SASH1: variants seen among roughly 807,000 people sequenced by gnomAD.
SASH1 encodes the protein SAM and SH3 domain containing 1, also known as SAM and SH3 domain-containing protein 1.
In SASH1, 44 loss-of-function variants were observed where a neutral mutation model predicts 125.2. The ratio of observed to expected loss-of-function variants is 0.35; its 90% CI spans 0.28 to 0.45. The LOEUF is 0.45. Among genes scored for constraint, SASH1 ranks in the 20% least tolerant of loss-of-function variants. SASH1 has a pLI of 1.00. For missense variants in SASH1, 1,426 were observed against 1,614.5 expected (o/e 0.88, Z 2.00); for synonymous variants, 639 against 649.1 (o/e 0.98, Z 0.24).
chr6:148,530,945 A>T (rs553426361), intron 12 of SASH1, among the ~76,000 whole-genome samples: 69 of 152,364 alleles, frequency 4.5e-4, no homozygotes, highest in Non-Finnish European at 7.6e-4. Flanking sequence ...TTAGAGTAAC[A>T]TATGGAAATT....
the SASH1 span, among the ~76,000 whole-genome samples, chr6:148,251,358 C>T: frequency 6.6e-6 from 1 of 152,228 alleles, no homozygotes. Context: ...TATCAATACC[C>T]CTGAAAAATA....
At chr6:148,347,240 G>T (rs1161526911) in intron 1 of SASH1, among the ~76,000 whole-genome samples, 1 of 152,102 alleles carries the variant, frequency 6.6e-6, no homozygotes, top group Non-Finnish European at 1.5e-5. Context: ...TGGGAAGGGG[G>T]TTAGTAAGTG....
At position 148,544,784 on chromosome 6, in the gene SASH1, G is replaced by C; in HGVS notation, c.3314G>C (p.Gly1105Ala). ...TLTENKLHAE[G>A]IDLTEEPYSD... is the part of the protein sequence containing the mutation. ...ACTGAAAACAAGCTGCACGCTGAAG[G>C]CATCGATCTCACGGAGGAGCCGTAT... Residue 1105 changes from glycine (G) to alanine (A), a missense_variant, in exon 18 of 20, where the codon GGC (glycine) becomes GCC (alanine). Around this residue, in one of 3 missense-constraint regions of SASH1, gnomAD observed 634 missense variants for 694.4 expected, o/e 0.91. Coordinates refer to ENST00000367467, the MANE Select transcript of SASH1 (RefSeq NM_015278.5). The surrounding 1 kb of genome is among the most constrained non-coding windows in gnomAD (Gnocchi z 6.4). 6.2e-7 allele frequency: 1 copy of C among 1,600,836 alleles called. No homozygotes were observed. The highest frequency in any genetic ancestry group is 8.5e-7 in the Non-Finnish European group (1 of 1,173,790).
chr6:148,485,407 T>C (rs955987140), intron 7 of SASH1, among the ~76,000 whole-genome samples: 2 of 152,202 alleles, frequency 1.3e-5, no homozygotes, highest in African/African-American at 4.8e-5. Context: ...AGTTTAAACA[T>C]GTCAAGTTAA....
At chr6:148,421,153 GAAAGAAAGAAAGAAAGAAAGAAAGAAAGA>G (rs1785059898) in intron 2 of SASH1, among the ~76,000 whole-genome samples, 60 of 81,070 alleles carry the variant, frequency 7.4e-4, no homozygotes, top group African/African-American at 2.2e-3. Context: ...AAGGAAGAAA[GAAAGAAAGAAAGAAAGAAAGAAAGAAAGA>G]AAGAAAGAAA....
At chr6:148,235,349 A>G in the SASH1 span, among the ~76,000 whole-genome samples, 3 of 152,240 alleles carry the variant, frequency 2.0e-5, no homozygotes, top group African/African-American at 4.8e-5. Flanking sequence ...ACAAAATCAG[A>G]AAAATAAAAT....
chr6:148,398,376 T>C (rs993708475), intron 2 of SASH1, among the ~76,000 whole-genome samples: 1 of 152,212 alleles, frequency 6.6e-6, no homozygotes, highest in African/African-American at 2.4e-5. Flanking sequence ...TTGGTTTCAC[T>C]GACTGCTCTT....
At chr6:148,306,567 A>G (rs904714303) in intron 1 of SASH1, among the ~76,000 whole-genome samples, 2 of 152,156 alleles carry the variant, frequency 1.3e-5, no homozygotes, top group Non-Finnish European at 2.9e-5. Context: ...GGAGTCTTCA[A>G]TCTTGCTGTG....
rs918179333 is a variant in SASH1 at position 148,529,070 on chromosome 6, G to C, written c.1428+1474G>C. On this transcript the variant is annotated intron_variant, in intron 12 of 19. Coordinates refer to ENST00000367467, the MANE Select transcript of SASH1 (RefSeq NM_015278.5). This position sits in a 1 kb window ranked among gnomAD's most constrained non-coding sequence, Gnocchi z 4.2. ...TCTAATACCGCCGCTGATCTGACAG[G>C]AGGTGGAGCTCAGACAGTAATGCGG... Among the ~76,000 whole-genome samples, 2 of 152,142 alleles carry C rather than the reference G, an allele frequency of 1.3e-5. No individual in the cohort carries two copies. Among genetic ancestry groups the C allele is most frequent in the Non-Finnish European group, 2.9e-5 (2 of 68,030 alleles).
chr6:148,406,586 G>A (rs527310880), intron 2 of SASH1, among the ~76,000 whole-genome samples: 1 of 152,314 alleles, frequency 6.6e-6, no homozygotes, highest in South Asian at 2.1e-4. Flanking sequence ...TGGGGATCCA[G>A]GTAAGCAAGA....
intron 1 of SASH1, among the ~76,000 whole-genome samples, chr6:148,346,362 G>A (rs538624899): frequency 1.3e-5 from 2 of 152,114 alleles, no homozygotes; most frequent in African/African-American, 4.8e-5. Context: ...TGTTAACAAA[G>A]TGCTCATTTA....
chr6:148,538,192 CTG>C (rs1781987455), intron 16 of SASH1, among the ~76,000 whole-genome samples: 1 of 152,190 alleles, frequency 6.6e-6, no homozygotes. Flanking sequence ...AGGTATTCTG[CTG>C]TGTCTGCTGA....
the SASH1 span, among the ~76,000 whole-genome samples, chr6:148,258,018 C>A: frequency 6.6e-6 from 1 of 152,084 alleles, no homozygotes; most frequent in Non-Finnish European, 1.5e-5. Flanking sequence ...AGTGCTTTGC[C>A]CACTGGCAAG....
intron 1 of SASH1, chr6:148,379,947 A>G (rs1282378978): frequency 6.6e-6 from 3 of 456,428 alleles, no homozygotes; most frequent in Non-Finnish European, 1.3e-5. Context: ...AGTCCTGGAT[A>G]TCGTGTGCAG....
At chr6:148,335,019 C>T (rs528584449) in intron 1 of SASH1, among the ~76,000 whole-genome samples, 2 of 149,528 alleles carry the variant, frequency 1.3e-5, no homozygotes, top group Non-Finnish European at 3.0e-5. Flanking sequence ...AATTTGAGGC[C>T]GGGCGTGGTG....
intron 1 of SASH1, among the ~76,000 whole-genome samples, chr6:148,303,373 C>A (rs1360377683): frequency 2.0e-5 from 3 of 151,974 alleles, no homozygotes; most frequent in Admixed American, 2.0e-4. Context: ...TCAGGATAGA[C>A]CATATGCTAA....
At chr6:148,434,534 A>G (rs1157572047) in intron 2 of SASH1, among the ~76,000 whole-genome samples, 4 of 152,080 alleles carry the variant, frequency 2.6e-5, no homozygotes, top group Non-Finnish European at 5.9e-5. Flanking sequence ...ATGTTGGGAT[A>G]TATTTGTATT....
chr6:148,406,704 G>A (rs917117474), intron 2 of SASH1, among the ~76,000 whole-genome samples: 4 of 152,176 alleles, frequency 2.6e-5, no homozygotes, highest in African/African-American at 9.7e-5. Flanking sequence ...GGAGCAGAGA[G>A]AATCAGGTGC....
At chr6:148,274,328 A>G (rs1003116517) in intron 1 of SASH1, among the ~76,000 whole-genome samples, 3 of 152,216 alleles carry the variant, frequency 2.0e-5, no homozygotes, top group Admixed American at 2.0e-4. Context: ...TTCAGAAACA[A>G]TACGTTCAGA....
Sources: allele counts gnomAD v4.1 joint callset (sites outside exome capture counted in the v4.1 genomes callset), GRCh38; gene constraint gnomAD v4.1.1; regional missense constraint gnomAD v4.1.1; non-coding constraint Gnocchi (gnomAD v3.1); transcripts MANE v1.5; gene names NCBI Gene and HGNC (gene_info 2026-07-23, HGNC 2026-07-21).